The following XYLT1 variants were observed in gnomAD, a reference collection of about 807,000 sequenced individuals.
XYLT1 encodes xylosyltransferase 1.
A neutral mutation model predicts 91.3 loss-of-function variants in XYLT1; 36 were observed. The ratio of observed to expected loss-of-function variants is 0.39; its 90% CI spans 0.30 to 0.52. The LOEUF (loss-of-function observed/expected upper bound fraction) is 0.52, where lower values mean the gene tolerates loss of function less well. Ranked by LOEUF, XYLT1 falls within the 20% of genes least tolerant of loss-of-function variation. The pLI, the probability that XYLT1 is intolerant of heterozygous loss-of-function variation, is 0.68. For missense variants in XYLT1, 1,242 were observed against 1,284.5 expected (o/e 0.97, Z 0.51); for synonymous variants, 588 against 532.0 (o/e 1.11, Z -1.45).
chr16:17,318,383 G>A (rs1315108929), intron 2 of XYLT1, among the ~76,000 whole-genome samples: 1 of 152,154 alleles, frequency 6.6e-6, no homozygotes. Flanking sequence ...TTCGGGGGAG[G>A]AGTACATTTC....
rs149631363 is a variant in XYLT1, at chr16:17,312,247, C to T, written c.402+45765G>A. On this transcript the variant is annotated intron_variant, in intron 2 of 11. Coordinates refer to ENST00000261381, the MANE Select transcript of XYLT1 (RefSeq NM_022166.4). This position sits in a 1 kb window ranked among gnomAD's most constrained non-coding sequence, Gnocchi z 4.4. ...TCATCTGCTGTGCCCAGAGCTCAGG[C>T]CAGGTAGGAGGGAGATCCAGGGGAA... Among the ~76,000 whole-genome samples the T allele has an allele frequency of 3.2e-3, 494 of 152,212 alleles. 4 individuals carry two copies. The highest frequency in any genetic ancestry group is 0.011 in the African/African-American group (452 of 41,546).
At chr16:17,369,160 TTGCTTGTCACGCAAGCTAGAG>T (rs2035494066) in intron 1 of XYLT1, among the ~76,000 whole-genome samples, 2 of 151,056 alleles carry the variant, frequency 1.3e-5, no homozygotes, top group African/African-American at 4.9e-5. Flanking sequence ...AGATGGAGTT[TTGCTTGTCACGCAAGCTAGAG>T]TGCAGTGGCG....
intron 2 of XYLT1, among the ~76,000 whole-genome samples, chr16:17,271,147 T>A (rs2141772321): frequency 1.0e-5 from 1 of 96,758 alleles, no homozygotes; most frequent in Non-Finnish European, 1.9e-5. Context: ...GCCTCCTAAC[T>A]GTTTTTTGTT....
At chr16:17,420,703 G>A (rs942327801) in intron 1 of XYLT1, among the ~76,000 whole-genome samples, 1 of 151,802 alleles carries the variant, frequency 6.6e-6, no homozygotes, top group African/African-American at 2.4e-5. Flanking sequence ...TTTTGCGAAG[G>A]GTGCAAATGT....
rs957456771 is a variant in XYLT1, at chr16:17,105,406, G to A, written c.*3289C>T. The A allele has an allele frequency of 6.6e-6, 1 of 152,238 alleles. No individual in the cohort carries two copies. The highest frequency in any genetic ancestry group is 1.5e-5 in the Non-Finnish European group (1 of 68,058). The allele number at this position is 152,238 out of a possible 1,614,324, so 9.4% of individuals were successfully genotyped here. On this transcript the variant is annotated 3_prime_UTR_variant, in exon 12 of 12. Coordinates refer to ENST00000261381, the MANE Select transcript of XYLT1 (RefSeq NM_022166.4). ...GAGAAATGAAGCCGGAAGGACTCATGATCTCACCAGGAAAGCCTTTTTTTT... is the reference window on the plus strand; with the variant it reads ...GAGAAATGAAGCCGGAAGGACTCATAATCTCACCAGGAAAGCCTTTTTTTT...
At chr16:17,217,957 T>A (rs1469751716) in intron 3 of XYLT1, among the ~76,000 whole-genome samples, 6 of 144,958 alleles carry the variant, frequency 4.1e-5, no homozygotes, top group African/African-American at 1.0e-4. Context: ...ATAATAATAA[T>A]AAAAAAAAAA....
chr16:17,225,343 G>C (rs2033044497), intron 3 of XYLT1, among the ~76,000 whole-genome samples: 1 of 152,068 alleles, frequency 6.6e-6, no homozygotes, highest in African/African-American at 2.4e-5. Context: ...GCTCACTACA[G>C]ATGAAAATGC....
intron 1 of XYLT1, among the ~76,000 whole-genome samples, chr16:17,461,174 C>T (rs576185820): frequency 6.6e-6 from 1 of 152,176 alleles, no homozygotes; most frequent in Non-Finnish European, 1.5e-5. Flanking sequence ...AGAGCTTGGG[C>T]CCCATGAGCA....
intron 2 of XYLT1, among the ~76,000 whole-genome samples, chr16:17,300,481 G>T (rs2034379299): frequency 3.5e-5 from 1 of 28,222 alleles, no homozygotes; most frequent in Non-Finnish European, 7.7e-5. Flanking sequence ...TTTTGAGATG[G>T]AGTCTTGTTC....
chr16:17,388,833 G>C (rs1433989180), intron 1 of XYLT1, among the ~76,000 whole-genome samples: 1 of 152,204 alleles, frequency 6.6e-6, no homozygotes, highest in Non-Finnish European at 1.5e-5. Context: ...TCTCAGGAGG[G>C]GCTGTGTGCT....
At chr16:17,313,145 C>G (rs1325425347) in intron 2 of XYLT1, among the ~76,000 whole-genome samples, 7 of 152,346 alleles carry the variant, frequency 4.6e-5, no homozygotes, top group Non-Finnish European at 7.3e-5. Context: ...GTTCTCGGGA[C>G]TGGCCTGGGC....
chr16:17,263,795 G>A (rs369823324), intron 2 of XYLT1, among the ~76,000 whole-genome samples: 21 of 151,998 alleles, frequency 1.4e-4, no homozygotes, highest in East Asian at 1.2e-3. Context: ...TGTAACCTCC[G>A]CCTCCCAGGT....
At chr16:17,248,148 G>A (rs187170907) in intron 3 of XYLT1, among the ~76,000 whole-genome samples, 8 of 152,244 alleles carry the variant, frequency 5.3e-5, no homozygotes, top group East Asian at 1.9e-4. Context: ...TGCTGTTCTC[G>A]TGATAGTGAA....
chr16:17,252,275 A>T (rs2033553665), intron 3 of XYLT1, among the ~76,000 whole-genome samples: 1 of 152,216 alleles, frequency 6.6e-6, no homozygotes, highest in Non-Finnish European at 1.5e-5. Flanking sequence ...TTTACTGTGC[A>T]GACTGAGTCA....
At chr16:17,140,749 A>G (rs1036183502) in intron 7 of XYLT1, among the ~76,000 whole-genome samples, 2 of 151,020 alleles carry the variant, frequency 1.3e-5, no homozygotes, top group Non-Finnish European at 2.9e-5. Context: ...GTTACACACT[A>G]CATACCTTTT....
intron 5 of XYLT1, among the ~76,000 whole-genome samples, chr16:17,164,057 A>C (rs1418936628): frequency 6.7e-6 from 1 of 148,758 alleles, no homozygotes; most frequent in South Asian, 2.1e-4. Context: ...AAAAAAAAAA[A>C]AAAAAAAAAA....
chr16:17,222,789 C>CA (rs11358476), intron 3 of XYLT1, among the ~76,000 whole-genome samples: 4,474 of 71,104 alleles, frequency 0.063, 138 homozygotes, highest in African/African-American at 0.11. Context: ...AACTCTGTCT[C>CA]AAAAAAAAAA....
intron 3 of XYLT1, among the ~76,000 whole-genome samples, chr16:17,245,196 G>T (rs1297721477): frequency 6.6e-6 from 1 of 152,184 alleles, no homozygotes; most frequent in Admixed American, 6.5e-5. Flanking sequence ...CTTGACTTGA[G>T]GAATTAGATT....
chr16:17,461,646 TGATG>T lies in XYLT1; in HGVS notation c.363+8784_363+8787del, dbSNP rs756387587. 2.7e-3 allele frequency among the ~76,000 whole-genome samples: 405 copies of T among 151,826 alleles called. 2 individuals carry two copies. The highest frequency in any genetic ancestry group is 8.0e-3 in the African/African-American group (332 of 41,364). On this transcript the variant is annotated intron_variant, in intron 1 of 11. Coordinates refer to ENST00000261381, the MANE Select transcript of XYLT1 (RefSeq NM_022166.4). ...TGCTTAGACAAATAGATGAATGGAC[TGATG>T]GATGGATGGATGGATGGATGGGTGG...
Sources: gnomAD v4.1 joint callset for allele counts (sites outside exome capture counted in the v4.1 genomes callset) on GRCh38, gnomAD v4.1.1 for gene constraint, Gnocchi (gnomAD v3.1) non-coding constraint, MANE v1.5 for transcripts, NCBI Gene and HGNC (gene_info 2026-07-23, HGNC 2026-07-21) for gene names.